The following PTPRD variants were observed in gnomAD, a reference collection of about 807,000 sequenced individuals.
PTPRD encodes the protein receptor-type tyrosine-protein phosphatase delta.
In PTPRD, 34 loss-of-function variants were observed where a neutral mutation model predicts 214.5. The observed-to-expected ratio is 0.16, with a 90% CI of 0.12 to 0.21. The LOEUF (loss-of-function observed/expected upper bound fraction) is 0.21, where lower values mean the gene tolerates loss of function less well. Ranked by LOEUF, PTPRD falls within the 10% of genes least tolerant of loss-of-function variation. The pLI is 1.00. For synonymous variants in PTPRD, 1,128 were observed against 845.7 expected (o/e 1.33, Z -5.79); for missense variants, 2,545 against 2,398.7 (o/e 1.06, Z -1.27).
intron 3 of PTPRD, among the ~76,000 whole-genome samples, chr9:10,200,426 C>T (rs1235878112): frequency 6.6e-6 from 1 of 152,010 alleles, no homozygotes; most frequent in African/African-American, 2.4e-5. Flanking sequence ...GCCAGGAATG[C>T]TGCTAAACAT....
chr9:10,465,226 G>C (rs1453747340), intron 2 of PTPRD, among the ~76,000 whole-genome samples: 1 of 152,078 alleles, frequency 6.6e-6, no homozygotes, highest in Non-Finnish European at 1.5e-5. Flanking sequence ...ACACACAACA[G>C]ACATTTGTTT....
At chr9:9,618,722 T>C (rs926120823) in intron 7 of PTPRD, among the ~76,000 whole-genome samples, 1 of 152,212 alleles carries the variant, frequency 6.6e-6, no homozygotes, top group African/African-American at 2.4e-5. Context: ...AGGTATTAAA[T>C]ATATACTTCT....
chr9:9,349,408 A>G (rs1302734099), intron 9 of PTPRD, among the ~76,000 whole-genome samples: 1 of 152,072 alleles, frequency 6.6e-6, no homozygotes, highest in Non-Finnish European at 1.5e-5. Flanking sequence ...TAATACAGAA[A>G]CACTGCAAGC....
chr9:10,331,092 G>A lies in PTPRD; in HGVS notation c.-545+9871C>T, dbSNP rs372423009. ...GTCACTCTCAACACCAGATGCAGAT[G>A]CCTTCTGCAAACTACTCCATCAACT... On this transcript the variant is annotated intron_variant, in intron 3 of 45. Coordinates refer to ENST00000381196, the MANE Select transcript of PTPRD (RefSeq NM_002839.4). Among the ~76,000 whole-genome samples the A allele has an allele frequency of 2.6e-4, 39 of 151,900 alleles. 2 individuals carry two copies. Among genetic ancestry groups the A allele is most frequent in the East Asian group, 1.6e-3 (8 of 5,128 alleles).
intron 9 of PTPRD, among the ~76,000 whole-genome samples, chr9:9,374,091 C>A (rs1023218): frequency 6.6e-6 from 1 of 151,388 alleles, no homozygotes; most frequent in Non-Finnish European, 1.5e-5. Context: ...TGGAATTGTA[C>A]GCAACCATAA....
rs762859940 is a variant in PTPRD, at chr9:9,480,685, T to C, written c.-236-83203A>G. 3.3e-5 allele frequency among the ~76,000 whole-genome samples: 5 copies of C among 152,258 alleles called. No homozygotes were observed. The East Asian group carries it at 9.6e-4, about 29-fold the overall frequency. The stretch of plus-strand genomic sequence containing the variant: ...AGTACGTAAAAATATATACCATATA[T>C]TTTTTAGTATATTAAGTGCTGTGGC... On this transcript the variant is annotated intron_variant, in intron 8 of 45. Coordinates refer to ENST00000381196, the MANE Select transcript of PTPRD (RefSeq NM_002839.4).
chr9:10,545,978 G>A (rs888957216), intron 2 of PTPRD, among the ~76,000 whole-genome samples: 3 of 151,978 alleles, frequency 2.0e-5, no homozygotes, highest in Non-Finnish European at 4.4e-5. Context: ...TAGCACATTC[G>A]ACTATATAAG....
chr9:10,326,088 T>G (rs1474328090), intron 3 of PTPRD, among the ~76,000 whole-genome samples: 1 of 151,774 alleles, frequency 6.6e-6, no homozygotes, highest in Non-Finnish European at 1.5e-5. Flanking sequence ...TTTATATAAA[T>G]ATATTCACTT....
rs1461601284 is a variant in PTPRD, at chr9:9,169,393, GGTAA to G, written c.-143+13907_-143+13910del. 2.0e-5 allele frequency among the ~76,000 whole-genome samples: 3 copies of G among 152,046 alleles called. No individual in the cohort carries two copies. In the East Asian group the frequency reaches 5.8e-4, roughly 29 times the overall value. Reference sequence around the variant, plus strand: ...AAAGACCTTTTGATAATGAATAGACGGTAAGTATTTGGAAAGAAAATATAAATCC... The same window carrying G: ...AAAGACCTTTTGATAATGAATAGACGGTATTTGGAAAGAAAATATAAATCC... On this transcript the variant is annotated intron_variant, in intron 10 of 45. Coordinates refer to ENST00000381196, the MANE Select transcript of PTPRD (RefSeq NM_002839.4).
chr9:9,976,590 G>GGCTCATCTAC lies in PTPRD; in HGVS notation c.-471-37981_-471-37980insGTAGATGAGC, dbSNP rs1298813844. ...TTTAGTAGAGATGGGGTTTCACCAT[G>GGCTCATCTAC]TTAGCCAGGCTGGTCTCAAAGTCCT... On this transcript the variant is annotated intron_variant, in intron 4 of 45. Transcript: ENST00000381196. 7.0e-5 allele frequency among the ~76,000 whole-genome samples: 10 copies of GGCTCATCTAC among 143,066 alleles called. No homozygotes were observed. The East Asian group carries it at 8.5e-4, about 12-fold the overall frequency. The allele number at this position is 143,066 out of a possible 152,430, so 93.9% of individuals were successfully genotyped here. A position where few individuals can be genotyped will look rare whatever the true frequency, so the allele number is the denominator to read the frequency against.
At chr9:8,362,583 G>C (rs930482561) in intron 39 of PTPRD, among the ~76,000 whole-genome samples, 1 of 152,170 alleles carries the variant, frequency 6.6e-6, no homozygotes, top group African/African-American at 2.4e-5. Context: ...TGAGAGTTTA[G>C]GATGTGAAGA....
chr9:10,485,363 A>G (rs1184697397), intron 2 of PTPRD, among the ~76,000 whole-genome samples: 1 of 152,024 alleles, frequency 6.6e-6, no homozygotes, highest in African/African-American at 2.4e-5. Flanking sequence ...GTGGATCCAT[A>G]TAACTTTGAG....
At chr9:10,316,136 T>TAG (rs2096416727) in intron 3 of PTPRD, among the ~76,000 whole-genome samples, 2 of 147,306 alleles carry the variant, frequency 1.4e-5, no homozygotes, top group African/African-American at 5.0e-5. Context: ...TATACATATA[T>TAG]ACACATACAT....
chr9:10,343,592 A>G (rs374571643), intron 2 of PTPRD, among the ~76,000 whole-genome samples: 6 of 152,148 alleles, frequency 3.9e-5, no homozygotes, highest in African/African-American at 1.4e-4. Context: ...CAGTCCCACC[A>G]ACAGTGAAAA....
At chr9:8,505,435 ACATGGTGAAATCC>A (rs1178532938) in intron 22 of PTPRD, among the ~76,000 whole-genome samples, 3 of 152,088 alleles carry the variant, frequency 2.0e-5, no homozygotes, top group African/African-American at 7.2e-5. Context: ...ATCCTGGCTA[ACATGGTGAAATCC>A]CATCTCTCCT....
At chr9:8,882,763 C>A (rs967557310) in intron 11 of PTPRD, among the ~76,000 whole-genome samples, 3 of 151,596 alleles carry the variant, frequency 2.0e-5, no homozygotes, top group South Asian at 2.1e-4. Context: ...TGGGTGCCTG[C>A]AGTCTCAACT....
intron 11 of PTPRD, among the ~76,000 whole-genome samples, chr9:8,735,661 C>A (rs2090105872): frequency 6.6e-6 from 1 of 152,040 alleles, no homozygotes; most frequent in Non-Finnish European, 1.5e-5. Flanking sequence ...TGTAATTCCA[C>A]CACTTTCGGA....
intron 9 of PTPRD, among the ~76,000 whole-genome samples, chr9:9,296,321 A>G (rs913690026): frequency 1.3e-5 from 2 of 151,732 alleles, no homozygotes; most frequent in Non-Finnish European, 2.9e-5. Context: ...AGTGGAACCT[A>G]GGAAATGGAC....
chr9:10,282,790 C>A (rs1303385697), intron 3 of PTPRD, among the ~76,000 whole-genome samples: 3 of 151,962 alleles, frequency 2.0e-5, no homozygotes, highest in African/African-American at 7.3e-5. Flanking sequence ...CATAAATATG[C>A]CAGCTGTAAG....
Sources: allele counts gnomAD v4.1 joint callset (sites outside exome capture counted in the v4.1 genomes callset), GRCh38; gene constraint gnomAD v4.1.1; transcripts MANE v1.5; gene names NCBI Gene and HGNC (gene_info 2026-07-23, HGNC 2026-07-21).